The following SLC6A11 variants were observed in gnomAD, a reference collection of about 807,000 sequenced individuals.
SLC6A11 encodes the protein solute carrier family 6 member 11.
Under a neutral mutation model 74.8 loss-of-function variants are expected in SLC6A11, and 25 were observed. The observed-to-expected ratio is 0.33, with a 90% CI of 0.24 to 0.47. SLC6A11 has a LOEUF of 0.47. Among genes scored for constraint, SLC6A11 ranks in the 20% least tolerant of loss-of-function variants. The probability of loss-of-function intolerance (pLI) is 1.00; values close to 1 mark genes in which losing one functional copy is unlikely to be tolerated. For missense variants in SLC6A11, 574 were observed against 837.0 expected (o/e 0.69, Z 3.88); for synonymous variants, 330 against 330.2 (o/e 1.00, Z 0.01).
chr3:10,918,174 G>A lies in SLC6A11; in HGVS notation c.996-155G>A, dbSNP rs1695483816. On this transcript the variant is annotated intron_variant, in intron 7 of 13. Coordinates refer to ENST00000254488, the MANE Select transcript of SLC6A11 (RefSeq NM_014229.3). This position sits in a 1 kb window ranked among gnomAD's most constrained non-coding sequence, Gnocchi z 4.5. Reference sequence around the variant, plus strand: ...CATGGGCCAGCCACCTAACCTCTCTGAACCATGAGTGCTCCATCAGAAAAA... The same window carrying A: ...CATGGGCCAGCCACCTAACCTCTCTAAACCATGAGTGCTCCATCAGAAAAA... 6.6e-6 allele frequency among the ~76,000 whole-genome samples: 1 copy of A among 152,158 alleles called. No individual in the cohort carries two copies. Among genetic ancestry groups the A allele is most frequent in the South Asian group, 2.1e-4 (1 of 4,828 alleles).
chr3:10,885,788 C>T (rs565279015), intron 6 of SLC6A11, among the ~76,000 whole-genome samples: 24 of 152,200 alleles, frequency 1.6e-4, no homozygotes, highest in African/African-American at 5.3e-4. Flanking sequence ...CCTTGCCTCC[C>T]TCCCCCTGCC....
At chr3:10,920,468 C>T (rs1401555294) in intron 8 of SLC6A11, among the ~76,000 whole-genome samples, 2 of 152,142 alleles carry the variant, frequency 1.3e-5, no homozygotes, top group Non-Finnish European at 2.9e-5. Flanking sequence ...GGAGCTTACC[C>T]CTCAGTAAAA....
Position 10,876,633 on chromosome 3 carries a change from G to C in SLC6A11, c.891+1538G>C, listed in dbSNP as rs781062291. On this transcript the variant is annotated intron_variant, in intron 6 of 13. Coordinates refer to ENST00000254488, the MANE Select transcript of SLC6A11 (RefSeq NM_014229.3). ...CCGGTGATCCAGTTGCAGTGGGTCT[G>C]TGATGGCACCTGGGCATCCATATTA... 1.5e-3 allele frequency among the ~76,000 whole-genome samples: 222 copies of C among 150,840 alleles called. 4 individuals are homozygous for C. Among genetic ancestry groups the C allele is most frequent in the Non-Finnish European group, 5.6e-4 (38 of 67,816 alleles).
intron 5 of SLC6A11, among the ~76,000 whole-genome samples, chr3:10,858,964 G>A (rs769104688): frequency 5.9e-5 from 9 of 152,136 alleles, no homozygotes; most frequent in South Asian, 2.1e-4. Flanking sequence ...AGCCCTCGAG[G>A]GTATATGAAG....
chr3:10,935,010 T>C lies in SLC6A11; in HGVS notation c.1576-19T>C. The stretch of plus-strand genomic sequence containing the variant: ...GCTGAGGGCCCATCCCCCAGGCACC[T>C]GCCCCCATCTCTCTGCAGGGGATCT... On this transcript the variant is annotated intron_variant, in intron 12 of 13. Transcript: ENST00000254488. The C allele has an allele frequency of 6.2e-7, 1 of 1,608,086 alleles. No individual in the cohort carries two copies. The highest frequency in any genetic ancestry group is 8.5e-7 in the Non-Finnish European group (1 of 1,176,650).
rs575826896 is a variant in SLC6A11 at position 10,933,890 on chromosome 3, T to G, written c.1475-176T>G. The G allele has an allele frequency of 7.6e-6, 4 of 528,548 alleles. No individual in the cohort carries two copies. The Admixed American group carries it at 8.8e-5, about 12-fold the overall frequency. 32.7% of individuals were successfully genotyped at this position (528,548 alleles called of 1,614,324 possible). On this transcript the variant is annotated intron_variant, in intron 11 of 13. Transcript: ENST00000254488. Reference sequence around the variant, plus strand: ...TGGGCCAGCATCCCTCCTGCTGCTCTTTATTCTGAAACCTCACACATGTAA... The same window carrying G: ...TGGGCCAGCATCCCTCCTGCTGCTCGTTATTCTGAAACCTCACACATGTAA...
At chr3:10,817,184 C>T (rs1399654384) in intron 1 of SLC6A11, among the ~76,000 whole-genome samples, 1 of 152,194 alleles carries the variant, frequency 6.6e-6, no homozygotes, top group Non-Finnish European at 1.5e-5. Context: ...CTCTTAAGCC[C>T]ATTTCTAGGG....
chr3:10,900,579 T>G (rs1481934121), intron 6 of SLC6A11, among the ~76,000 whole-genome samples: 1 of 152,240 alleles, frequency 6.6e-6, no homozygotes, highest in Non-Finnish European at 1.5e-5. Flanking sequence ...GGATGTCTTT[T>G]CTATTGCTTG....
intron 9 of SLC6A11, among the ~76,000 whole-genome samples, chr3:10,927,300 C>T (rs1416684501): frequency 2.0e-5 from 3 of 152,150 alleles, no homozygotes; most frequent in Admixed American, 6.5e-5. Flanking sequence ...GCTGGGGCCC[C>T]GGCTCGGCGA....
At chr3:10,851,077 G>A (rs576041608) in intron 5 of SLC6A11, among the ~76,000 whole-genome samples, 7 of 152,216 alleles carry the variant, frequency 4.6e-5, no homozygotes, top group South Asian at 4.2e-4. Flanking sequence ...CCTGCCCAGC[G>A]GACAGTCAGA....
At chr3:10,872,260 A>G (rs1331133899) in intron 5 of SLC6A11, among the ~76,000 whole-genome samples, 1 of 152,218 alleles carries the variant, frequency 6.6e-6, no homozygotes, top group African/African-American at 2.4e-5. Flanking sequence ...GGCCTTTGTC[A>G]TGTGTAAAAA....
chr3:10,924,036 C>CA (rs1003372313), intron 8 of SLC6A11, among the ~76,000 whole-genome samples: 1 of 151,650 alleles, frequency 6.6e-6, no homozygotes, highest in African/African-American at 2.4e-5. Flanking sequence ...TAGCAAAGAC[C>CA]AAAAAAAGAC....
At chr3:10,819,908 T>G in intron 3 of SLC6A11, 56 bp downstream of exon 3, 2 of 1,589,650 alleles carry the variant, frequency 1.3e-6, no homozygotes. Flanking sequence ...GGGATTGGGG[T>G]TTGTTCATGC....
At position 10,831,188 on chromosome 3, in the gene SLC6A11, A is replaced by AT. The variant is rs201094893; in HGVS notation, c.623+7805dup. Among the ~76,000 whole-genome samples, 768 of 150,932 alleles carry AT rather than the reference A, an allele frequency of 5.1e-3. 4 individuals are homozygous for AT. Among genetic ancestry groups the AT allele is most frequent in the African/African-American group, 0.018 (731 of 41,086 alleles). On this transcript the variant is annotated intron_variant, in intron 4 of 13. Transcript: ENST00000254488. ...AATCTGCCTGAACTCTCAAGTCCCC[A>AT]TTTTTTTTTCTAAACAACAGCAACA... is the stretch of plus-strand genomic sequence containing the variant.
chr3:10,856,408 C>A lies in SLC6A11; in HGVS notation c.756+12062C>A, dbSNP rs139279648. Among the ~76,000 whole-genome samples, 129 of 152,342 alleles carry A rather than the reference C, an allele frequency of 8.5e-4. 1 individual carries two copies. Among genetic ancestry groups the A allele is most frequent in the African/African-American group, 2.9e-3 (119 of 41,578 alleles). On this transcript the variant is annotated intron_variant, in intron 5 of 13. Coordinates refer to ENST00000254488, the MANE Select transcript of SLC6A11 (RefSeq NM_014229.3). ...GGCACATCGTTTGCAGAGCACCTGCCACATGCTGGACTTTGGCCTGGGCCC... is the reference window on the plus strand; with the variant it reads ...GGCACATCGTTTGCAGAGCACCTGCAACATGCTGGACTTTGGCCTGGGCCC...
At chr3:10,866,877 A>G (rs932507210) in intron 5 of SLC6A11, among the ~76,000 whole-genome samples, 3 of 152,174 alleles carry the variant, frequency 2.0e-5, no homozygotes, top group Admixed American at 6.5e-5. Flanking sequence ...TTCTTTAGAT[A>G]TGCATTCTCT....
rs773762734 is a variant in SLC6A11 at position 10,935,038 on chromosome 3, A to G, written c.1585A>G (p.Ile529Val). 2.5e-6 allele frequency: 4 copies of G among 1,613,736 alleles called. No homozygotes were observed. The highest frequency in any genetic ancestry group is 2.5e-6 in the Non-Finnish European group (3 of 1,179,880). ...MTPGICAGIF[I>V]FFLIKYKPLK... ...CCCCATCTCTCTGCAGGGGATCTTC[A>G]TCTTCTTCTTGATCAAGTACAAGCC... The change falls in exon 13 of 14, where the codon ATC becomes GTC. Residue 529 changes from isoleucine (I) to valine (V), a missense_variant. Transcript: ENST00000254488.
At chr3:10,855,824 GA>G (rs1202374052) in intron 5 of SLC6A11, among the ~76,000 whole-genome samples, 1 of 152,174 alleles carries the variant, frequency 6.6e-6, no homozygotes, top group Non-Finnish European at 1.5e-5. Context: ...GGATTCCAGG[GA>G]AAAGAAACCA....
chr3:10,931,545 G>C (rs1038988827), intron 10 of SLC6A11, among the ~76,000 whole-genome samples: 1 of 152,184 alleles, frequency 6.6e-6, no homozygotes, highest in African/African-American at 2.4e-5. Flanking sequence ...CCCGCTGAGA[G>C]ATCCATTTTG....
Sources: allele counts gnomAD v4.1 joint callset (sites outside exome capture counted in the v4.1 genomes callset), GRCh38; gene constraint gnomAD v4.1.1; non-coding constraint Gnocchi (gnomAD v3.1); transcripts MANE v1.5; gene names NCBI Gene and HGNC (gene_info 2026-07-23, HGNC 2026-07-21).